The following SORCS2 variants were observed in gnomAD, a reference collection of about 807,000 sequenced individuals.
SORCS2 encodes the protein sortilin related VPS10 domain containing receptor 2.
Under a neutral mutation model 141.6 loss-of-function variants are expected in SORCS2, and 100 were observed. The observed-to-expected ratio is 0.71, with a 90% CI of 0.60 to 0.83. The LOEUF is 0.83. Ranked by LOEUF, SORCS2 falls within the 40% of genes least tolerant of loss-of-function variation. The pLI is 0.00. For synonymous variants in SORCS2, 789 were observed against 676.9 expected, an observed-to-expected ratio of 1.17 and a Z score of -2.57; for missense variants, 1,646 against 1,560.2, an observed-to-expected ratio of 1.05 and a Z score of -0.93.
chr4:7,473,853 G>A (rs540898511), intron 2 of SORCS2, among the ~76,000 whole-genome samples: 1 of 152,252 alleles, frequency 6.6e-6, no homozygotes, highest in South Asian at 2.1e-4. Context: ...GGCGGGGTCT[G>A]GGGGGAGAGG....
intron 2 of SORCS2, among the ~76,000 whole-genome samples, chr4:7,505,464 C>G (rs1732221273): frequency 6.6e-6 from 1 of 152,112 alleles, no homozygotes; most frequent in African/African-American, 2.4e-5. Context: ...GAGGATGGCT[C>G]CAGCTCACAG....
At chr4:7,515,945 G>A (rs1243299915) in intron 2 of SORCS2, among the ~76,000 whole-genome samples, 2 of 152,186 alleles carry the variant, frequency 1.3e-5, no homozygotes, top group Non-Finnish European at 2.9e-5. Flanking sequence ...ACTCATGGGA[G>A]GGGTCCAATG....
At chr4:7,467,476 G>A (rs990875400) in intron 2 of SORCS2, among the ~76,000 whole-genome samples, 14 of 152,202 alleles carry the variant, frequency 9.2e-5, no homozygotes, top group Non-Finnish European at 2.9e-5. Flanking sequence ...TCTGGCCTCC[G>A]AGTCAAGTGA....
At chr4:7,594,046 C>T (rs1444459602) in intron 3 of SORCS2, among the ~76,000 whole-genome samples, 1 of 152,206 alleles carries the variant, frequency 6.6e-6, no homozygotes, top group Admixed American at 6.5e-5. Context: ...CTGCCAGGAC[C>T]TGGGCTAGGT....
chr4:7,478,970 C>A (rs1378105673), intron 2 of SORCS2, among the ~76,000 whole-genome samples: 6 of 152,260 alleles, frequency 3.9e-5, no homozygotes, highest in African/African-American at 7.2e-5. Context: ...CTTTGTGTCA[C>A]CTAATAAAAA....
intron 12 of SORCS2, among the ~76,000 whole-genome samples, chr4:7,698,283 T>C (rs1238786205): frequency 1.3e-5 from 2 of 152,106 alleles, no homozygotes; most frequent in African/African-American, 2.4e-5. Flanking sequence ...AGGTCAGTGT[T>C]TTACACGCCC....
intron 3 of SORCS2, among the ~76,000 whole-genome samples, chr4:7,629,446 G>A (rs1719733661): frequency 2.0e-5 from 3 of 151,986 alleles, no homozygotes; most frequent in Non-Finnish European, 2.9e-5. Context: ...GGCAGGCCCA[G>A]CTGAGAGGTG....
chr4:7,738,211 T>G (rs1712355444), intron 26 of SORCS2, among the ~76,000 whole-genome samples: 2 of 152,212 alleles, frequency 1.3e-5, no homozygotes, highest in Admixed American at 6.5e-5. Context: ...CCCAGGAGGC[T>G]CTGAGACTTG....
In SORCS2 at chr4:7,708,675, C is replaced by T. The variant is rs570453819; in HGVS notation, c.1869-4058C>T. ...TGGCCTCCTGCGACAGGGGCTGCAA[C>T]GCAGCTTTAGTGAGCGCCCCACTGC... On this transcript the variant is annotated intron_variant, in intron 14 of 26. Transcript: ENST00000507866. Among the ~76,000 whole-genome samples, 189 of 152,332 alleles carry T rather than the reference C, an allele frequency of 1.2e-3. 1 individual carries two copies. The highest frequency in any genetic ancestry group is 2.0e-3 in the Non-Finnish European group (139 of 68,034).
chr4:7,375,682 AAG>A (rs1218164162), intron 1 of SORCS2, among the ~76,000 whole-genome samples: 2 of 152,248 alleles, frequency 1.3e-5, no homozygotes, highest in East Asian at 1.9e-4. Flanking sequence ...GCAGTTAAAA[AAG>A]AGAAACCAAA....
intron 2 of SORCS2, among the ~76,000 whole-genome samples, chr4:7,459,445 T>G (rs866832117): frequency 5.3e-5 from 8 of 152,256 alleles, no homozygotes; most frequent in Middle Eastern, 3.4e-3. Context: ...AGTTTCCTTA[T>G]CTGTAAAATG....
At position 7,718,017 on chromosome 4, in the gene SORCS2, G is replaced by A. The variant is rs746332732; in HGVS notation, c.2258G>A (p.Arg753Gln). ...ACCCTCTCTTGTCAATCCAGGTACC[G>A]GAAAGTGGTGTCCAACGTGTGTGAG... is the stretch of plus-strand genomic sequence containing the variant. ...GQTYTSSLGY[R>Q]KVVSNVCEGG... Residue 753 changes from arginine (R) to glutamine (Q), a missense_variant, in exon 18 of 27, where the codon CGG becomes CAG. Transcript: ENST00000507866. The A allele has an allele frequency of 1.8e-5, 29 of 1,602,840 alleles. No homozygotes were observed. Among genetic ancestry groups the A allele is most frequent in the South Asian group, 4.5e-5 (4 of 89,340 alleles).
At chr4:7,553,317 A>T (rs565088210) in intron 3 of SORCS2, among the ~76,000 whole-genome samples, 1 of 152,328 alleles carries the variant, frequency 6.6e-6, no homozygotes, top group South Asian at 2.1e-4. Flanking sequence ...GAGGGGGGAA[A>T]AAAAACCATG....
chr4:7,404,259 A>T (rs1467844090), intron 2 of SORCS2, among the ~76,000 whole-genome samples: 1 of 152,006 alleles, frequency 6.6e-6, no homozygotes, highest in East Asian at 1.9e-4. Context: ...TAGACACTTG[A>T]GTTGATTCCA....
chr4:7,410,119 T>C lies in SORCS2; in HGVS notation c.548+13764T>C, dbSNP rs1725208593. ...GACCATGCTGAAATTGACAAAGCCT[T>C]CTGCAGAGTGTCTTACCAGCCTATG... On this transcript the variant is annotated intron_variant, in intron 2 of 26. Transcript: ENST00000507866. Among the ~76,000 whole-genome samples, 3 of 152,202 alleles carry C rather than the reference T, an allele frequency of 2.0e-5. No homozygotes were observed. In the South Asian group the frequency reaches 6.2e-4, roughly 32 times the overall value.
intron 2 of SORCS2, among the ~76,000 whole-genome samples, chr4:7,398,094 C>A (rs143428443): frequency 6.6e-6 from 1 of 151,852 alleles, no homozygotes; most frequent in African/African-American, 2.4e-5. Flanking sequence ...TTTTCTTTCC[C>A]GGTGTGATCT....
intron 2 of SORCS2, among the ~76,000 whole-genome samples, chr4:7,475,195 T>A (rs10004803): frequency 1.3e-5 from 2 of 151,946 alleles, no homozygotes; most frequent in African/African-American, 4.8e-5. Flanking sequence ...GTTGGGGGCA[T>A]AGGGTGCCGC....
chr4:7,541,624 G>T (rs545680658), intron 3 of SORCS2, among the ~76,000 whole-genome samples: 1 of 152,214 alleles, frequency 6.6e-6, no homozygotes, highest in Non-Finnish European at 1.5e-5. Context: ...CAAGTGGTCT[G>T]CCCTTTTTCT....
At chr4:7,278,868 GCT>G (rs1715683824) in intron 1 of SORCS2, among the ~76,000 whole-genome samples, 1 of 152,220 alleles carries the variant, frequency 6.6e-6, no homozygotes, top group East Asian at 1.9e-4. Flanking sequence ...GGAATGACAT[GCT>G]CTCTTAGAGC....
Sources: allele counts gnomAD v4.1 joint callset (sites outside exome capture counted in the v4.1 genomes callset), GRCh38; gene constraint gnomAD v4.1.1; transcripts MANE v1.5; gene names NCBI Gene and HGNC (gene_info 2026-07-23, HGNC 2026-07-21).